PCDH11X: variants seen among roughly 807,000 people sequenced by gnomAD.
PCDH11X encodes protocadherin 11 X-linked, also known as protocadherin-11 X-linked.
Under a neutral mutation model 53.3 loss-of-function variants are expected in PCDH11X, and 18 were observed. That is an observed-to-expected ratio of 0.34 (90% confidence interval 0.23 to 0.50). The LOEUF (loss-of-function observed/expected upper bound fraction) is 0.50. PCDH11X is among the 20% of genes least tolerant of loss of function. The pLI is 0.98. For synonymous variants in PCDH11X, 279 were observed against 393.3 expected (o/e 0.71, Z 3.44); for missense variants, 570 against 1,032.4 (o/e 0.55, Z 6.14).
intron 6 of PCDH11X, among the ~76,000 whole-genome samples, chrX:92,101,767 TG>T (rs1369266712): frequency 5.4e-5 from 6 of 110,423 alleles, no homozygotes; most frequent in Non-Finnish European, 7.6e-5. Context: ...TTGCCAGTCC[TG>T]GGTGGGGGCA....
intron 6 of PCDH11X, among the ~76,000 whole-genome samples, chrX:92,190,925 A>G (rs1347107571): frequency 2.7e-5 from 3 of 111,433 alleles, no homozygotes; most frequent in African/African-American, 9.7e-5. Context: ...CGTTGTTGCT[A>G]TTTTACTGAC....
intron 9 of PCDH11X, among the ~76,000 whole-genome samples, chrX:92,444,260 T>C (rs2072581506): frequency 9.3e-6 from 1 of 107,907 alleles, no homozygotes; most frequent in South Asian, 4.1e-4. Flanking sequence ...GTTAGATGTG[T>C]TCCTAGGTAT....
chrX:92,493,877 G>A (rs2073812769), intron 10 of PCDH11X, among the ~76,000 whole-genome samples: 1 of 109,174 alleles, frequency 9.2e-6, no homozygotes, highest in Admixed American at 9.8e-5. Flanking sequence ...AAACTCCTGA[G>A]CTCAGGCAAT....
intron 4 of PCDH11X, among the ~76,000 whole-genome samples, chrX:91,817,763 AAG>A (rs1158991400): frequency 9.0e-6 from 1 of 111,280 alleles, no homozygotes; most frequent in Non-Finnish European, 1.9e-5. Flanking sequence ...TTGTATGGAA[AAG>A]AGAGTTCTTT....
At chrX:92,555,504 G>A (rs35662334) in intron 10 of PCDH11X, among the ~76,000 whole-genome samples, 10 of 111,953 alleles carry the variant, frequency 8.9e-5, no homozygotes, top group Non-Finnish European at 1.7e-4. Flanking sequence ...AAGGAAATAC[G>A]AATCATACAG....
chrX:92,111,249 A>AAAAAAAAAAAAAAAAAAAAC (rs1260359408), intron 6 of PCDH11X, among the ~76,000 whole-genome samples: 1 of 103,526 alleles, frequency 9.7e-6, no homozygotes, highest in African/African-American at 3.6e-5. Flanking sequence ...AAAAAAAAAA[A>AAAAAAAAAAAAAAAAAAAAC]AATCAGCGTC....
intron 8 of PCDH11X, among the ~76,000 whole-genome samples, chrX:92,317,584 T>C (rs756953091): frequency 2.7e-4 from 30 of 111,519 alleles, no homozygotes; most frequent in Middle Eastern, 9.4e-3. Flanking sequence ...AATGATTGGG[T>C]ACAAATGTGG....
At chrX:92,246,640 C>T (rs763390741) in intron 7 of PCDH11X, among the ~76,000 whole-genome samples, 12 of 111,677 alleles carry the variant, frequency 1.1e-4, no homozygotes, top group African/African-American at 2.9e-4. Flanking sequence ...TGTAAGCCAC[C>T]GTGCCCGACC....
In PCDH11X at chrX:92,153,387, C is replaced by T. The variant is rs371512007; in HGVS notation, c.3034-47988C>T. Among the ~76,000 whole-genome samples, 13 of 110,935 alleles carry T rather than the reference C, an allele frequency of 1.2e-4. No homozygotes were observed. The South Asian group carries it at 1.9e-3, about 16-fold the overall frequency. ...AGAAGACAATCCTATAAAACAGAGC[C>T]GCACTGAGTTTTGTATTTAGCCTAG... is the stretch of plus-strand genomic sequence containing the variant. On this transcript the variant is annotated intron_variant, in intron 6 of 10. Transcript: ENST00000682573.
At chrX:92,491,179 T>A (rs760348401) in intron 10 of PCDH11X, among the ~76,000 whole-genome samples, 32 of 110,802 alleles carry the variant, frequency 2.9e-4, no homozygotes, top group African/African-American at 1.0e-3. Flanking sequence ...AGAATCGTAG[T>A]TCAAATTTCA....
chrX:92,533,124 C>T (rs186106800), intron 10 of PCDH11X, among the ~76,000 whole-genome samples: 474 of 111,137 alleles, frequency 4.3e-3, no homozygotes, highest in Middle Eastern at 0.042. Flanking sequence ...AACACCATAT[C>T]ATTTTCAAAA....
At chrX:92,288,030 C>A (rs2068416780) in intron 8 of PCDH11X, 1 of 512,715 alleles carries the variant, frequency 2.0e-6, no homozygotes, top group African/African-American at 2.3e-5. Flanking sequence ...TCCCTAGAAG[C>A]ATAAACCTGT....
At chrX:91,896,007 G>A (rs1940740887) in intron 6 of PCDH11X, among the ~76,000 whole-genome samples, 1 of 104,272 alleles carries the variant, frequency 9.6e-6, no homozygotes, top group Non-Finnish European at 1.9e-5. Context: ...CTAAAATACA[G>A]TTAATAGAAC....
chrX:92,183,672 G>A lies in PCDH11X; in HGVS notation c.3034-17703G>A, dbSNP rs777245883. Among the ~76,000 whole-genome samples, 6 of 112,537 alleles carry A rather than the reference G, an allele frequency of 5.3e-5. No individual in the cohort carries two copies. In the East Asian group the frequency reaches 1.7e-3, roughly 32 times the overall value. On this transcript the variant is annotated intron_variant, in intron 6 of 10. Transcript: ENST00000682573. Reference sequence around the variant, plus strand: ...AAAACCCTACAATATGACAGGTCTTGTGATCCTTCTCTGAATCTTATGCTT... The same window carrying A: ...AAAACCCTACAATATGACAGGTCTTATGATCCTTCTCTGAATCTTATGCTT...
chrX:91,937,856 T>C (rs1356890427), intron 6 of PCDH11X, among the ~76,000 whole-genome samples: 1 of 111,269 alleles, frequency 9.0e-6, no homozygotes, highest in Non-Finnish European at 1.9e-5. Context: ...GCTCATACAA[T>C]TGAATTAAAT....
At chrX:92,009,894 G>A (rs1295295817) in intron 6 of PCDH11X, among the ~76,000 whole-genome samples, 1 of 108,942 alleles carries the variant, frequency 9.2e-6, no homozygotes, top group Non-Finnish European at 1.9e-5. Flanking sequence ...TAGTACAGAC[G>A]GGGTTTCACC....
rs1177629023 is a variant in PCDH11X at position 91,967,965 on chromosome X, C to T, written c.3033+88692C>T. Among the ~76,000 whole-genome samples the T allele has an allele frequency of 5.4e-5, 6 of 111,321 alleles. No homozygotes were observed. In the East Asian group the frequency reaches 1.7e-3, roughly 32 times the overall value. ...TTTATACTCAGAGATTTAGCCTTTT[C>T]ACCCAGCTAATAAAGGGTAATGCCA... is the stretch of plus-strand genomic sequence containing the variant. On this transcript the variant is annotated intron_variant, in intron 6 of 10. Transcript: ENST00000682573.
At chrX:92,182,879 C>T (rs1332177325) in intron 6 of PCDH11X, among the ~76,000 whole-genome samples, 1 of 111,311 alleles carries the variant, frequency 9.0e-6, no homozygotes, top group Non-Finnish European at 1.9e-5. Context: ...TCATACCTCT[C>T]CCCTAAACTT....
chrX:92,139,726 T>C (rs1352146621), intron 6 of PCDH11X, among the ~76,000 whole-genome samples: 1 of 111,954 alleles, frequency 8.9e-6, no homozygotes, highest in Non-Finnish European at 1.9e-5. Context: ...CACAAATGTT[T>C]TGATAATTTG....
Sources: gnomAD v4.1 joint callset for allele counts (sites outside exome capture counted in the v4.1 genomes callset) on GRCh38, gnomAD v4.1.1 for gene constraint, MANE v1.5 for transcripts, NCBI Gene and HGNC (gene_info 2026-07-23, HGNC 2026-07-21) for gene names.